BMP6: variants seen among roughly 807,000 people sequenced by gnomAD.
BMP6 encodes the protein VG-1-R.
In BMP6, 17 loss-of-function variants were observed where a neutral mutation model predicts 54.1. The ratio of observed to expected loss-of-function variants is 0.31; its 90% CI spans 0.22 to 0.47. The LOEUF is 0.47. BMP6 is among the 20% of genes least tolerant of loss of function. The probability of loss-of-function intolerance (pLI) is 1.00; values close to 1 mark genes in which losing one functional copy is unlikely to be tolerated. For missense variants in BMP6, 720 were observed against 690.4 expected, an observed-to-expected ratio of 1.04 and a Z score of -0.48; for synonymous variants, 328 against 291.2, an observed-to-expected ratio of 1.13 and a Z score of -1.28.
chr6:7,811,135 G>T (rs1406877940), intron 1 of BMP6, among the ~76,000 whole-genome samples: 1 of 152,196 alleles, frequency 6.6e-6, no homozygotes, highest in Non-Finnish European at 1.5e-5. Context: ...ATACTCAAGG[G>T]CATCAAAGGC....
At chr6:7,858,491 T>C (rs941183006) in intron 2 of BMP6, among the ~76,000 whole-genome samples, 6 of 152,226 alleles carry the variant, frequency 3.9e-5, no homozygotes, top group South Asian at 2.1e-4. Context: ...GTCCCTTACT[T>C]TATTCTGAGC....
At chr6:7,753,613 T>C (rs1391496510) in intron 1 of BMP6, among the ~76,000 whole-genome samples, 2 of 152,132 alleles carry the variant, frequency 1.3e-5, no homozygotes, top group Non-Finnish European at 2.9e-5. Context: ...GGAGGTAAGG[T>C]AAAGGAGAGA....
chr6:7,737,286 T>C (rs940076336), intron 1 of BMP6, among the ~76,000 whole-genome samples: 5 of 152,060 alleles, frequency 3.3e-5, no homozygotes, highest in Non-Finnish European at 7.4e-5. Flanking sequence ...GGTTTAATAC[T>C]TCTCTGTGGG....
chr6:7,872,134 G>A (rs980902727), intron 4 of BMP6, among the ~76,000 whole-genome samples: 3 of 152,146 alleles, frequency 2.0e-5, no homozygotes, highest in Admixed American at 1.3e-4. Context: ...GCAAAGCTGT[G>A]TTACCTCTCT....
chr6:7,831,925 C>A (rs188531194), intron 1 of BMP6, among the ~76,000 whole-genome samples: 2 of 152,196 alleles, frequency 1.3e-5, no homozygotes, highest in African/African-American at 4.8e-5. Flanking sequence ...CTGGCTCACA[C>A]GTGCATTCAA....
intron 1 of BMP6, among the ~76,000 whole-genome samples, chr6:7,812,594 T>C (rs564639025): frequency 1.3e-3 from 201 of 152,258 alleles, no homozygotes; most frequent in Non-Finnish European, 2.1e-3. Context: ...AAATTAAACA[T>C]ATACACATTA....
chr6:7,854,099 C>T lies in BMP6; in HGVS notation c.858-7352C>T, dbSNP rs564914761. ...GAGCCAGTGGGTGGTGGGCAGGAGA[C>T]GCTGTTCTTTGGGAACTGCTTATCT... On this transcript the variant is annotated intron_variant, in intron 2 of 6. Coordinates refer to ENST00000283147, the MANE Select transcript of BMP6 (RefSeq NM_001718.6). Among the ~76,000 whole-genome samples, 3 of 152,270 alleles carry T rather than the reference C, an allele frequency of 2.0e-5. No individual in the cohort carries two copies. The East Asian group carries it at 5.8e-4, about 29-fold the overall frequency.
chr6:7,791,268 T>C (rs988269143), intron 1 of BMP6, among the ~76,000 whole-genome samples: 1 of 152,212 alleles, frequency 6.6e-6, no homozygotes, highest in Admixed American at 6.5e-5. Context: ...TCAACGACTT[T>C]GGACGATCCT....
intron 1 of BMP6, among the ~76,000 whole-genome samples, chr6:7,764,765 G>A (rs1481257025): frequency 6.6e-6 from 1 of 152,108 alleles, no homozygotes; most frequent in East Asian, 1.9e-4. Flanking sequence ...ACAGGTATGC[G>A]CCCCCATGTC....
At chr6:7,821,106 G>A (rs1758605179) in intron 1 of BMP6, among the ~76,000 whole-genome samples, 1 of 152,262 alleles carries the variant, frequency 6.6e-6, no homozygotes, top group South Asian at 2.1e-4. Flanking sequence ...CATTCTGCCT[G>A]TTGTGGGCTG....
At chr6:7,732,773 A>T (rs1761888708) in intron 1 of BMP6, among the ~76,000 whole-genome samples, 1 of 152,246 alleles carries the variant, frequency 6.6e-6, no homozygotes. Context: ...AAGGTGAGTT[A>T]GACAAGGAAA....
At chr6:7,806,040 T>G (rs1252368901) in intron 1 of BMP6, among the ~76,000 whole-genome samples, 2 of 152,218 alleles carry the variant, frequency 1.3e-5, no homozygotes, top group Non-Finnish European at 2.9e-5. Context: ...TTCTGAGATG[T>G]GGGGTCAGCA....
At chr6:7,830,258 A>G (rs999314380) in intron 1 of BMP6, among the ~76,000 whole-genome samples, 2 of 152,126 alleles carry the variant, frequency 1.3e-5, no homozygotes, top group Non-Finnish European at 2.9e-5. Flanking sequence ...TCATCAGTCT[A>G]CAACCTCTGT....
chr6:7,761,963 TCTC>T (rs2113142601), intron 1 of BMP6, among the ~76,000 whole-genome samples: 1 of 152,174 alleles, frequency 6.6e-6, no homozygotes, highest in East Asian at 1.9e-4. Flanking sequence ...AGTGGTGTGA[TCTC>T]AGCTCACTGC....
intron 1 of BMP6, among the ~76,000 whole-genome samples, chr6:7,837,026 G>A (rs1380356747): frequency 7.2e-5 from 11 of 152,186 alleles, no homozygotes; most frequent in Non-Finnish European, 1.2e-4. Flanking sequence ...AAATGGAAAC[G>A]TGAAATATTT....
chr6:7,794,525 A>G (rs1010515823), intron 1 of BMP6, among the ~76,000 whole-genome samples: 1 of 150,466 alleles, frequency 6.6e-6, no homozygotes, highest in African/African-American at 2.4e-5. Flanking sequence ...GCCTGAGTCC[A>G]GGAGTTCCAG....
chr6:7,759,896 G>T (rs2113139919), intron 1 of BMP6, among the ~76,000 whole-genome samples: 1 of 151,316 alleles, frequency 6.6e-6, no homozygotes, highest in African/African-American at 2.4e-5. Flanking sequence ...TAGAGATGGG[G>T]TTTCACCACA....
intron 2 of BMP6, among the ~76,000 whole-genome samples, chr6:7,857,172 C>T (rs1303738344): frequency 6.6e-6 from 1 of 152,168 alleles, no homozygotes; most frequent in Non-Finnish European, 1.5e-5. Flanking sequence ...AAATCTTGCC[C>T]ACAAACACCA....
At chr6:7,870,303 A>AT (rs1261213628) in intron 4 of BMP6, among the ~76,000 whole-genome samples, 1 of 152,214 alleles carries the variant, frequency 6.6e-6, no homozygotes, top group African/African-American at 2.4e-5. Flanking sequence ...GCACTTCCAC[A>AT]TGGTCCCGCC....
Sources: gnomAD v4.1 joint callset for allele counts (sites outside exome capture counted in the v4.1 genomes callset) on GRCh38, gnomAD v4.1.1 for gene constraint, MANE v1.5 for transcripts, NCBI Gene and HGNC (gene_info 2026-07-23, HGNC 2026-07-21) for gene names.